The following RPTOR variants were observed in gnomAD, a reference collection of about 807,000 sequenced individuals.
The protein encoded by RPTOR is regulatory-associated protein of mTOR.
Under a neutral mutation model 169.9 loss-of-function variants are expected in RPTOR, and 21 were observed. The ratio of observed to expected loss-of-function variants is 0.12; its 90% CI spans 0.09 to 0.18. The LOEUF (loss-of-function observed/expected upper bound fraction) is 0.18, where lower values mean the gene tolerates loss of function less well. RPTOR is among the 10% of genes least tolerant of loss of function. The probability of loss-of-function intolerance (pLI) is 1.00; values close to 1 mark genes in which losing one functional copy is unlikely to be tolerated. For missense variants in RPTOR, 1,133 were observed against 1,855.9 expected, an observed-to-expected ratio of 0.61 and a Z score of 7.16; for synonymous variants, 732 against 753.2, an observed-to-expected ratio of 0.97 and a Z score of 0.46.
At chr17:80,858,205 C>G in intron 13 of RPTOR, 2 of 405,068 alleles carry the variant, frequency 4.9e-6, no homozygotes, top group Non-Finnish European at 9.2e-6. Context: ...CTGCCTGTGT[C>G]TGACCCCCGT....
chr17:80,809,171 G>A (rs1456518904), intron 7 of RPTOR, among the ~76,000 whole-genome samples: 1 of 152,192 alleles, frequency 6.6e-6, no homozygotes, highest in African/African-American at 2.4e-5. Context: ...TCGACACTTG[G>A]CATTCTGCCT....
At chr17:80,752,498 G>T (rs577069069) in intron 5 of RPTOR, among the ~76,000 whole-genome samples, 1 of 152,348 alleles carries the variant, frequency 6.6e-6, no homozygotes, top group South Asian at 2.1e-4. Flanking sequence ...AGCAGTGTGT[G>T]TACATAATCC....
At chr17:80,910,466 G>C in intron 21 of RPTOR, among the ~76,000 whole-genome samples, 1 of 152,204 alleles carries the variant, frequency 6.6e-6, no homozygotes, top group East Asian at 1.9e-4. Flanking sequence ...TTACAGAAAT[G>C]TTGCAGGAAG....
At chr17:80,782,474 G>A (rs1046581160) in intron 6 of RPTOR, among the ~76,000 whole-genome samples, 4 of 152,018 alleles carry the variant, frequency 2.6e-5, no homozygotes, top group African/African-American at 9.7e-5. Context: ...AATAAGAATA[G>A]GTGAGGACCC....
At chr17:80,626,996 G>A (rs994229448) in intron 2 of RPTOR, among the ~76,000 whole-genome samples, 18 of 152,098 alleles carry the variant, frequency 1.2e-4, no homozygotes, top group South Asian at 4.1e-4. Flanking sequence ...TCCACCATCT[G>A]TCTCTATGAA....
chr17:80,558,950 C>T (rs1425499259), intron 1 of RPTOR, among the ~76,000 whole-genome samples: 2 of 152,076 alleles, frequency 1.3e-5, no homozygotes, highest in East Asian at 1.9e-4. Flanking sequence ...TTTACCATCT[C>T]AACCATCTTT....
intron 1 of RPTOR, among the ~76,000 whole-genome samples, chr17:80,561,765 C>T (rs1409927018): frequency 2.0e-5 from 3 of 152,062 alleles, no homozygotes; most frequent in South Asian, 4.2e-4. Context: ...CCTGTGGCTG[C>T]AGACTGGGGT....
chr17:80,930,349 TCATCCC>T (rs1203132720), intron 24 of RPTOR, among the ~76,000 whole-genome samples: 267 of 36,304 alleles, frequency 7.4e-3, no homozygotes, highest in Middle Eastern at 0.056. Flanking sequence ...CATCCTCAGC[TCATCCC>T]CAGCTCATCC....
intron 6 of RPTOR, among the ~76,000 whole-genome samples, chr17:80,780,995 G>A (rs1471494370): frequency 6.6e-6 from 1 of 152,186 alleles, no homozygotes; most frequent in African/African-American, 2.4e-5. Flanking sequence ...TGGTCTTTGG[G>A]TGCAGAGGAG....
At chr17:80,945,847 C>A in intron 26 of RPTOR, 66 bp downstream of exon 26, 1 of 884,464 alleles carries the variant, frequency 1.1e-6, no homozygotes, top group Non-Finnish European at 1.7e-6. Flanking sequence ...CCCTGTTCTC[C>A]CCCGATCACC....
At chr17:80,725,328 A>G (rs2066322513) in intron 4 of RPTOR, among the ~76,000 whole-genome samples, 1 of 152,240 alleles carries the variant, frequency 6.6e-6, no homozygotes, top group South Asian at 2.1e-4. Flanking sequence ...TGTAATGAAG[A>G]AATTATCTAA....
chr17:80,956,221 TGAA>T (rs1293301106), intron 28 of RPTOR, among the ~76,000 whole-genome samples: 1 of 105,866 alleles, frequency 9.4e-6, no homozygotes, highest in African/African-American at 4.6e-5. Context: ...TGCTTCTCTA[TGAA>T]AAAAAAAAAA....
intron 6 of RPTOR, among the ~76,000 whole-genome samples, chr17:80,789,525 A>G (rs898169454): frequency 4.6e-5 from 7 of 152,134 alleles, no homozygotes; most frequent in African/African-American, 1.7e-4. Flanking sequence ...GGATCCTGGG[A>G]ATATTATCCT....
chr17:80,719,575 C>A (rs2066267793), intron 4 of RPTOR, among the ~76,000 whole-genome samples: 1 of 152,206 alleles, frequency 6.6e-6, no homozygotes, highest in Non-Finnish European at 1.5e-5. Flanking sequence ...TTTGCCGCCG[C>A]AGCTTTCCCT....
chr17:80,734,474 A>G (rs2066418689), intron 5 of RPTOR, among the ~76,000 whole-genome samples: 1 of 152,248 alleles, frequency 6.6e-6, no homozygotes, highest in East Asian at 1.9e-4. Context: ...GTCTGAGACC[A>G]TCAGTATTTG....
intron 6 of RPTOR, among the ~76,000 whole-genome samples, chr17:80,783,982 A>G (rs2066966408): frequency 2.0e-5 from 3 of 152,190 alleles, no homozygotes; most frequent in South Asian, 4.1e-4. Flanking sequence ...ACTAAAAGGC[A>G]TACTTTTTTT....
intron 1 of RPTOR, among the ~76,000 whole-genome samples, chr17:80,605,610 C>T (rs2065223334): frequency 6.6e-6 from 1 of 152,114 alleles, no homozygotes; most frequent in Non-Finnish European, 1.5e-5. Flanking sequence ...GAGTTGGGTA[C>T]CAGTGAGGCC....
At position 80,634,339 on chromosome 17, in the gene RPTOR, A is replaced by C. The variant is rs2065472723; in HGVS notation, c.265+8546A>C. 5.8e-5 allele frequency among the ~76,000 whole-genome samples: 6 copies of C among 104,056 alleles called. No homozygotes were observed. In the Admixed American group the frequency reaches 6.4e-4, roughly 11 times the overall value. The allele number at this position is 104,056 out of a possible 152,430, so 68.3% of individuals were successfully genotyped here. A position where few individuals can be genotyped will look rare whatever the true frequency, so the allele number is the denominator to read the frequency against. On this transcript the variant is annotated intron_variant, in intron 2 of 33. Coordinates refer to ENST00000306801, the MANE Select transcript of RPTOR (RefSeq NM_020761.3). ...GTGTGCGTACTATGTGCGTGTGCGT[A>C]CTGTGTGCATGTGCGTACTGTGTGT...
intron 9 of RPTOR, among the ~76,000 whole-genome samples, chr17:80,827,416 G>A (rs989168592): frequency 1.3e-5 from 2 of 152,198 alleles, no homozygotes; most frequent in South Asian, 2.1e-4. Context: ...GGCTGCCTTC[G>A]CAGTTGAGAC....
Sources: allele counts gnomAD v4.1 joint callset (sites outside exome capture counted in the v4.1 genomes callset), GRCh38; gene constraint gnomAD v4.1.1; transcripts MANE v1.5; gene names NCBI Gene and HGNC (gene_info 2026-07-23, HGNC 2026-07-21).